Variants in TYW1B observed in about 807,000 individuals in gnomAD.
TYW1B encodes tRNA-yW synthesizing protein 1 homolog B.
Under a neutral mutation model 86.9 loss-of-function variants are expected in TYW1B, and 73 were observed. The observed-to-expected ratio is 0.84, with a 90% confidence interval of 0.70 to 1.02. The LOEUF (loss-of-function observed/expected upper bound fraction) is 1.02, where lower values mean the gene tolerates loss of function less well. Ranked by LOEUF, TYW1B falls within the 50% of genes least tolerant of loss-of-function variation. TYW1B has a pLI of 0.00. For missense variants in TYW1B, 637 were observed against 827.4 expected (o/e 0.77, Z 2.82); for synonymous variants, 248 against 292.8 (o/e 0.85, Z 1.56).
At position 72,632,398 on chromosome 7, in the gene TYW1B, AT is replaced by A. The variant is rs560767826; in HGVS notation, c.1507-3402del. On this transcript the variant is annotated intron_variant, in intron 11 of 13. Transcript: ENST00000620995. ...ATATTATATATATACGTATATATAT[AT>A]AATATATATATACATATATATATAA... Among the ~76,000 whole-genome samples the A allele has an allele frequency of 4.8e-3, 485 of 100,768 alleles. 26 individuals carry two copies. Among genetic ancestry groups the A allele is most frequent in the African/African-American group, 0.026 (446 of 17,468 alleles). The allele number at this position is 100,768 out of a possible 152,430, so 66.1% of individuals were successfully genotyped here. A position where few individuals can be genotyped will look rare whatever the true frequency, so the allele number is the denominator to read the frequency against.
intron 6 of TYW1B, among the ~76,000 whole-genome samples, chr7:72,786,617 C>T (rs1195770079): frequency 1.4e-5 from 2 of 146,312 alleles, no homozygotes; most frequent in African/African-American, 5.1e-5. Flanking sequence ...GCTCTGTCAC[C>T]CAGGCTGGAG....
At chr7:72,805,343 T>C (rs1554476475) in intron 5 of TYW1B, among the ~76,000 whole-genome samples, 2 of 149,614 alleles carry the variant, frequency 1.3e-5, no homozygotes. Context: ...CCAGGCACAG[T>C]TGCTCATGCC....
chr7:72,810,605 C>T lies in TYW1B; in HGVS notation c.298G>A (p.Glu100Lys), dbSNP rs782217657. The change falls in exon 4 of 14, where the codon GAA (glutamate) becomes AAA (lysine). Residue 100 changes from glutamate to lysine, a missense_variant. Transcript: ENST00000620995. ...CATTTGCAGAACCACTCTGCACTTTCGGTTGGTAGGCCGTCAGTGTATGTC... is the reference window on the plus strand; with the variant it reads ...CATTTGCAGAACCACTCTGCACTTTTGGTTGGTAGGCCGTCAGTGTATGTC... The part of the protein sequence containing the change: ...VATYTDGLPT[E>K]SAEWFCKWLE... 15 of 1,613,770 alleles carry T rather than the reference C, an allele frequency of 9.3e-6. No individual in the cohort carries two copies. The highest frequency in any genetic ancestry group is 4.0e-5 in the African/African-American group (3 of 74,908).
chr7:72,639,054 T>C (rs1294746600), intron 11 of TYW1B, among the ~76,000 whole-genome samples: 1 of 152,118 alleles, frequency 6.6e-6, no homozygotes, highest in East Asian at 1.9e-4. Context: ...AGCAATCACA[T>C]TACAAGAAGT....
intron 12 of TYW1B, among the ~76,000 whole-genome samples, chr7:72,619,083 C>A (rs1318380529): frequency 6.6e-6 from 1 of 152,208 alleles, no homozygotes; most frequent in Admixed American, 6.5e-5. Flanking sequence ...CTTTCCAGAT[C>A]TCCCCTTTCC....
chr7:72,651,539 C>T (rs1323776352), intron 11 of TYW1B, among the ~76,000 whole-genome samples: 3 of 152,060 alleles, frequency 2.0e-5, no homozygotes, highest in Admixed American at 6.6e-5. Flanking sequence ...TGCTTGAACC[C>T]GGGAGGCAGA....
intron 13 of TYW1B, among the ~76,000 whole-genome samples, chr7:72,585,985 G>A (rs1554430445): frequency 6.6e-6 from 1 of 152,138 alleles, no homozygotes; most frequent in African/African-American, 2.4e-5. Context: ...AACGAGGATT[G>A]GAAAACACAT....
intron 11 of TYW1B, among the ~76,000 whole-genome samples, chr7:72,649,517 G>A (rs530788958): frequency 6.6e-6 from 1 of 152,330 alleles, no homozygotes; most frequent in South Asian, 2.1e-4. Context: ...TGACTTGGAT[G>A]TCCGAGGATA....
intron 7 of TYW1B, among the ~76,000 whole-genome samples, chr7:72,772,000 C>T (rs1372957823): frequency 3.3e-5 from 5 of 151,780 alleles, no homozygotes; most frequent in African/African-American, 1.2e-4. Context: ...TTGTGCTTCA[C>T]CCTGCCAGGC....
intron 6 of TYW1B, among the ~76,000 whole-genome samples, chr7:72,799,401 G>C (rs782283046): frequency 6.6e-5 from 10 of 151,416 alleles, no homozygotes; most frequent in Admixed American, 2.0e-4. Context: ...GACCTCAAGC[G>C]ATGCACCCAC....
intron 12 of TYW1B, 68 bp from the exon 13 acceptor site, chr7:72,616,907 G>A: frequency 6.3e-7 from 1 of 1,587,698 alleles, no homozygotes; most frequent in Non-Finnish European, 8.6e-7. Flanking sequence ...GACTTTCAGA[G>A]CCGGAAAGCC....
chr7:72,693,133 T>A (rs1405928375), intron 11 of TYW1B, among the ~76,000 whole-genome samples: 1 of 152,006 alleles, frequency 6.6e-6, no homozygotes, highest in African/African-American at 2.4e-5. Flanking sequence ...ATCAGTCAGA[T>A]GTCAAGAAGG....
At chr7:72,594,382 T>C (rs1431064090) in intron 13 of TYW1B, among the ~76,000 whole-genome samples, 3 of 147,516 alleles carry the variant, frequency 2.0e-5, no homozygotes, top group African/African-American at 7.5e-5. Flanking sequence ...TAAACAATGG[T>C]ACGCCAACAA....
At chr7:72,706,847 A>G (rs1158401014) in intron 10 of TYW1B, among the ~76,000 whole-genome samples, 1 of 152,186 alleles carries the variant, frequency 6.6e-6, no homozygotes, top group Non-Finnish European at 1.5e-5. Flanking sequence ...TGGTTTTTCA[A>G]TGTTGGCTCC....
At chr7:72,792,182 T>C (rs1184618739) in intron 6 of TYW1B, among the ~76,000 whole-genome samples, 2 of 150,874 alleles carry the variant, frequency 1.3e-5, no homozygotes, top group Admixed American at 6.6e-5. Context: ...TACAAACTAG[T>C]TGCGCATGGT....
chr7:72,712,573 C>T (rs190152621), intron 10 of TYW1B, among the ~76,000 whole-genome samples: 30 of 152,314 alleles, frequency 2.0e-4, no homozygotes, highest in African/African-American at 6.7e-4. Context: ...GGTGATCCAC[C>T]GGCCTCAGTC....
intron 10 of TYW1B, among the ~76,000 whole-genome samples, chr7:72,705,202 C>T (rs1554453425): frequency 6.6e-6 from 1 of 152,202 alleles, no homozygotes; most frequent in Non-Finnish European, 1.5e-5. Context: ...TACAAGAAAA[C>T]TGCATGTTTA....
rs529570139 is a variant in TYW1B at position 72,749,449 on chromosome 7, A to G, written c.965-4848T>C. ...GCTGGGACTACAGGCACCCACCACC[A>G]AGCCCGGCTAATTTTTTGTATTTTT... On this transcript the variant is annotated intron_variant, in intron 7 of 13. Transcript: ENST00000620995. 1.1e-4 allele frequency among the ~76,000 whole-genome samples: 16 copies of G among 152,094 alleles called. No homozygotes were observed. In the East Asian group the frequency reaches 3.1e-3, roughly 29 times the overall value.
intron 13 of TYW1B, among the ~76,000 whole-genome samples, chr7:72,581,722 AGC>A (rs1811157123): frequency 6.6e-6 from 1 of 151,866 alleles, no homozygotes; most frequent in African/African-American, 2.4e-5. Flanking sequence ...AATGACCATC[AGC>A]CACCTCAGAA....
Sources: allele counts gnomAD v4.1 joint callset (sites outside exome capture counted in the v4.1 genomes callset), GRCh38; gene constraint gnomAD v4.1.1; transcripts MANE v1.5; gene names NCBI Gene and HGNC (gene_info 2026-07-23, HGNC 2026-07-21).